The following PARP8 variants were observed in gnomAD, a reference collection of about 807,000 sequenced individuals.
PARP8 encodes protein mono-ADP-ribosyltransferase PARP8.
A neutral mutation model predicts 124.1 loss-of-function variants in PARP8; 51 were observed. The ratio of observed to expected loss-of-function variants is 0.41; its 90% CI spans 0.33 to 0.52. PARP8 has a LOEUF of 0.52. Ranked by LOEUF, PARP8 falls within the 20% of genes least tolerant of loss-of-function variation. The pLI is 0.21. For missense variants in PARP8, 860 were observed against 1,018.9 expected (o/e 0.84, Z 2.12); for synonymous variants, 391 against 361.5 (o/e 1.08, Z -0.93).
intron 9 of PARP8, among the ~76,000 whole-genome samples, chr5:50,783,766 T>C (rs1165395553): frequency 2.6e-5 from 4 of 152,234 alleles, no homozygotes; most frequent in Non-Finnish European, 4.4e-5. Flanking sequence ...CTTCATCATT[T>C]CAATTGCGTG....
chr5:50,803,887 C>G (rs890664929), intron 14 of PARP8, among the ~76,000 whole-genome samples: 1 of 151,966 alleles, frequency 6.6e-6, no homozygotes, highest in Admixed American at 6.6e-5. Flanking sequence ...TTATTGAAAA[C>G]TGGACATTTT....
chr5:50,770,478 A>T (rs116611561), intron 7 of PARP8, among the ~76,000 whole-genome samples: 2,991 of 152,038 alleles, frequency 0.02, 106 homozygotes, highest in African/African-American at 0.068. Flanking sequence ...TTTGTTTTGA[A>T]CAGATCTGTG....
chr5:50,795,014 G>A lies in PARP8; in HGVS notation c.1025G>A (p.Arg342His), dbSNP rs546955965. 2.4e-5 allele frequency: 39 copies of A among 1,614,182 alleles called. No homozygotes were observed. Among genetic ancestry groups the A allele is most frequent in the South Asian group, 1.6e-4 (15 of 91,082 alleles). The change falls in exon 12 of 26, where the codon CGC becomes CAC. Residue 342 changes from arginine (R) to histidine (H), a missense_variant. Transcript: ENST00000281631. ...CVTKSHRTFGRSLSSDPRAEQ... is the reference protein window; with the variant it reads ...CVTKSHRTFGHSLSSDPRAEQ... ...ACAAAGTCACACAGGACCTTTGGCC[G>A]CTCCTTGTCCAGCGATCCCAGGGCG...
At chr5:50,705,777 T>C (rs1754080223) in intron 2 of PARP8, among the ~76,000 whole-genome samples, 1 of 151,882 alleles carries the variant, frequency 6.6e-6, no homozygotes, top group Non-Finnish European at 1.5e-5. Flanking sequence ...AAGACTCTGT[T>C]TCCCAAAAAA....
chr5:50,796,072 G>A (rs1304938129), intron 12 of PARP8, among the ~76,000 whole-genome samples: 4 of 152,130 alleles, frequency 2.6e-5, no homozygotes, highest in East Asian at 1.9e-4. Context: ...TTTATCGCTA[G>A]CATGATTGGC....
At chr5:50,711,453 G>A (rs1362226772) in intron 2 of PARP8, among the ~76,000 whole-genome samples, 1 of 152,100 alleles carries the variant, frequency 6.6e-6, no homozygotes, top group African/African-American at 2.4e-5. Context: ...CCTCTGAAAT[G>A]TGAGGAGTTT....
intron 2 of PARP8, among the ~76,000 whole-genome samples, chr5:50,745,887 T>C (rs1758488191): frequency 6.6e-6 from 1 of 152,194 alleles, no homozygotes. Context: ...TAGTGTACAT[T>C]TCCCCCCAGC....
intron 25 of PARP8, among the ~76,000 whole-genome samples, chr5:50,840,101 A>C (rs1748013478): frequency 6.6e-6 from 1 of 151,960 alleles, no homozygotes; most frequent in Non-Finnish European, 1.5e-5. Flanking sequence ...ATTCTAGGTC[A>C]GTTTTTCTTA....
chr5:50,682,586 C>T (rs1751416625), intron 2 of PARP8, among the ~76,000 whole-genome samples: 1 of 152,002 alleles, frequency 6.6e-6, no homozygotes, highest in Admixed American at 6.5e-5. Flanking sequence ...ACCAGTGTCC[C>T]ACAGCACAGA....
chr5:50,774,236 C>G (rs149593876), intron 7 of PARP8, among the ~76,000 whole-genome samples: 1,688 of 152,254 alleles, frequency 0.011, 17 homozygotes, highest in Middle Eastern at 0.085. Flanking sequence ...ATGTCTACTT[C>G]TTTCTACACA....
intron 25 of PARP8, among the ~76,000 whole-genome samples, chr5:50,837,061 A>G (rs535207675): frequency 6.6e-6 from 1 of 152,200 alleles, no homozygotes; most frequent in African/African-American, 2.4e-5. Context: ...ATCTGTAGGG[A>G]TGTACATGTT....
At chr5:50,813,479 A>T (rs1435829633) in intron 14 of PARP8, among the ~76,000 whole-genome samples, 1 of 152,166 alleles carries the variant, frequency 6.6e-6, no homozygotes, top group African/African-American at 2.4e-5. Flanking sequence ...TTATCAGCTT[A>T]AGGAGATTTT....
At chr5:50,841,741 AT>A (rs1748205799) in intron 25 of PARP8, among the ~76,000 whole-genome samples, 1 of 101,230 alleles carries the variant, frequency 9.9e-6, no homozygotes. Context: ...TTATGCGGGG[AT>A]AAAAAAAAAA....
In PARP8 at chr5:50,827,971, C is replaced by G; in HGVS notation, c.2005C>G (p.Gln669Glu). Residue 669 changes from glutamine to glutamate, a missense_variant, in exon 20 of 26, where the codon CAG becomes GAG. By Grantham distance (29) the Gln-to-Glu change is conservative. Transcript: ENST00000281631. ...ATTGAAGTTTATGCATACTCCACAT[C>G]AGTTCCTTCTTCTCAGCAGTCCACC... ...RQLKFMHTPHQFLLLSSPPAK... is the reference protein window; with the variant it reads ...RQLKFMHTPHEFLLLSSPPAK... 1 of 1,613,442 alleles carries G rather than the reference C, an allele frequency of 6.2e-7. No homozygotes were observed. Among genetic ancestry groups the G allele is most frequent in the Non-Finnish European group, 8.5e-7 (1 of 1,179,442 alleles).
chr5:50,839,204 C>T (rs770960413), intron 25 of PARP8, among the ~76,000 whole-genome samples: 2 of 151,896 alleles, frequency 1.3e-5, no homozygotes, highest in African/African-American at 4.8e-5. Flanking sequence ...GTTAATTTTT[C>T]GTTAAAATTT....
rs537113613 is a variant in PARP8, at chr5:50,671,240, T to C, written c.146+3115T>C. Among the ~76,000 whole-genome samples the C allele has an allele frequency of 9.8e-4, 149 of 152,342 alleles. 1 individual carries two copies. Among genetic ancestry groups the C allele is most frequent in the African/African-American group, 3.4e-3 (142 of 41,584 alleles). The stretch of plus-strand genomic sequence containing the variant: ...ACCCAAAGGTTTGGGCTTCTGTTCC[T>C]TTCACTTGCAGTCAGACATGGAGTT... On this transcript the variant is annotated intron_variant, in intron 2 of 25. Coordinates refer to ENST00000281631, the MANE Select transcript of PARP8 (RefSeq NM_024615.4).
rs557472419 is a variant in PARP8 at position 50,697,709 on chromosome 5, T to C, written c.146+29584T>C. 1.1e-3 allele frequency among the ~76,000 whole-genome samples: 164 copies of C among 152,262 alleles called. 1 individual carries two copies. Among genetic ancestry groups the C allele is most frequent in the South Asian group, 1.5e-3 (7 of 4,824 alleles). ...ATGTTTTGTAGCGGCAGGGTCTTGC[T>C]TTGTTGTCCAGGCTGGCCTTGAACT... On this transcript the variant is annotated intron_variant, in intron 2 of 25. Transcript: ENST00000281631.
At chr5:50,751,020 A>G (rs532291022) in intron 3 of PARP8, among the ~76,000 whole-genome samples, 2 of 152,266 alleles carry the variant, frequency 1.3e-5, no homozygotes, top group East Asian at 1.9e-4. Context: ...TAAAAGCCCC[A>G]CTATTTATTG....
At chr5:50,749,352 A>G (rs1417468946) in intron 2 of PARP8, among the ~76,000 whole-genome samples, 7 of 152,142 alleles carry the variant, frequency 4.6e-5, no homozygotes, top group African/African-American at 1.7e-4. Flanking sequence ...AATGTTAAAC[A>G]TGTGCTGTGT....
Sources: allele counts gnomAD v4.1 joint callset (sites outside exome capture counted in the v4.1 genomes callset), GRCh38; gene constraint gnomAD v4.1.1; transcripts MANE v1.5; gene names NCBI Gene and HGNC (gene_info 2026-07-23, HGNC 2026-07-21).